The following YAP1 variants were observed in gnomAD, a reference collection of about 807,000 sequenced individuals.
The protein encoded by YAP1 is transcriptional coactivator YAP1.
YAP1 carries 5 observed loss-of-function variants against 56.9 expected under a neutral mutation model. That is an observed-to-expected ratio of 0.09 (90% CI 0.05 to 0.18). YAP1 has a LOEUF of 0.18. Ranked by LOEUF, YAP1 falls within the 10% of genes least tolerant of loss-of-function variation. The probability of loss-of-function intolerance (pLI) is 1.00; values close to 1 mark genes in which losing one functional copy is unlikely to be tolerated. For missense variants in YAP1, 539 were observed against 651.8 expected (o/e 0.83, Z 1.88); for synonymous variants, 265 against 248.1 (o/e 1.07, Z -0.64).
intron 2 of YAP1, among the ~76,000 whole-genome samples, chr11:102,120,756 A>C (rs1439861814): frequency 6.6e-6 from 1 of 152,228 alleles, no homozygotes; most frequent in East Asian, 1.9e-4. Context: ...ACTTGCATGA[A>C]AATTGCTGCA....
chr11:102,173,362 T>G (rs990454601), intron 3 of YAP1, among the ~76,000 whole-genome samples: 1 of 152,142 alleles, frequency 6.6e-6, no homozygotes, highest in Non-Finnish European at 1.5e-5. Flanking sequence ...AAAATCTTCT[T>G]TAGGGGTCTT....
At chr11:102,144,368 AT>A (rs1321913573) in intron 2 of YAP1, among the ~76,000 whole-genome samples, 2 of 152,200 alleles carry the variant, frequency 1.3e-5, no homozygotes. Flanking sequence ...GGAGAAAAAA[AT>A]TTATGTAAAG....
intron 3 of YAP1, among the ~76,000 whole-genome samples, chr11:102,172,345 T>C (rs1424906138): frequency 2.4e-5 from 3 of 126,798 alleles, no homozygotes; most frequent in Non-Finnish European, 4.8e-5. Context: ...AGGGTGTTGC[T>C]CCACCACCCA....
chr11:102,144,878 ATACACACACT>A (rs386756901), intron 2 of YAP1, among the ~76,000 whole-genome samples: 22 of 34,380 alleles, frequency 6.4e-4, no homozygotes, highest in African/African-American at 8.3e-4. Flanking sequence ...ACACACACAC[ATACACACACT>A]CATGCTCACA....
At chr11:102,129,789 G>A (rs1944263962) in intron 2 of YAP1, among the ~76,000 whole-genome samples, 1 of 145,464 alleles carries the variant, frequency 6.9e-6, no homozygotes, top group Non-Finnish European at 1.5e-5. Context: ...TGAAAAGGAA[G>A]CAAAACTTTT....
At chr11:102,208,663 G>T (rs1949242626) in intron 5 of YAP1, among the ~76,000 whole-genome samples, 1 of 152,052 alleles carries the variant, frequency 6.6e-6, no homozygotes, top group Non-Finnish European at 1.5e-5. Flanking sequence ...TATGTTTTAT[G>T]TAACCTATTT....
At chr11:102,212,985 CT>C (rs1474148983) in intron 6 of YAP1, among the ~76,000 whole-genome samples, 3 of 152,194 alleles carry the variant, frequency 2.0e-5, no homozygotes, top group Non-Finnish European at 4.4e-5. Context: ...AACATCTTTG[CT>C]TTGTGAGATT....
chr11:102,210,795 G>C (rs1011992206), intron 6 of YAP1, among the ~76,000 whole-genome samples: 2 of 152,088 alleles, frequency 1.3e-5, no homozygotes, highest in South Asian at 2.1e-4. Flanking sequence ...CTCTGTTGCC[G>C]AGGCTGGAGT....
chr11:102,138,344 C>G (rs1165869394), intron 2 of YAP1, among the ~76,000 whole-genome samples: 1 of 152,218 alleles, frequency 6.6e-6, no homozygotes, highest in African/African-American at 2.4e-5. Flanking sequence ...GCATCTGTAT[C>G]TGGGAGCTAT....
At chr11:102,134,035 T>TA (rs1289251760) in intron 2 of YAP1, among the ~76,000 whole-genome samples, 1 of 152,234 alleles carries the variant, frequency 6.6e-6, no homozygotes, top group African/African-American at 2.4e-5. Context: ...TGACCTGATC[T>TA]AATCGTAATT....
intron 4 of YAP1, among the ~76,000 whole-genome samples, chr11:102,203,099 A>G (rs894021234): frequency 2.0e-5 from 3 of 152,232 alleles, no homozygotes; most frequent in African/African-American, 7.2e-5. Flanking sequence ...GAGCGCTGGC[A>G]TGAATCAAAA....
rs1296681807 is a variant in YAP1 at position 102,208,923 on chromosome 11, T to C, written c.985-594T>C. Reference sequence around the variant, plus strand: ...GCAAATGCTGCTATTTGTAAAACTCTTCCTTCCAAAGATTTTCCTAAATCT... The same window carrying C: ...GCAAATGCTGCTATTTGTAAAACTCCTCCTTCCAAAGATTTTCCTAAATCT... On this transcript the variant is annotated intron_variant, in intron 5 of 8. Transcript: ENST00000282441. Among the ~76,000 whole-genome samples the C allele has an allele frequency of 2.6e-5, 4 of 152,196 alleles. No individual in the cohort carries two copies. In the East Asian group the frequency reaches 5.8e-4, roughly 22 times the overall value.
chr11:102,133,341 G>C (rs1944481455), intron 2 of YAP1, among the ~76,000 whole-genome samples: 1 of 152,096 alleles, frequency 6.6e-6, no homozygotes, highest in East Asian at 1.9e-4. Context: ...TGCTACCCCA[G>C]GGATGGAGTA....
intron 3 of YAP1, among the ~76,000 whole-genome samples, chr11:102,177,698 T>G (rs2135468093): frequency 6.6e-6 from 1 of 150,548 alleles, no homozygotes; most frequent in African/African-American, 2.4e-5. Context: ...AAAAAAAAGT[T>G]TATGTGAAAG....
rs552814340 is a variant in YAP1 at position 102,119,190 on chromosome 11, T to C, written c.572+4796T>C. On this transcript the variant is annotated intron_variant, in intron 2 of 8. Transcript: ENST00000282441. ...AGTGGGTGGGCATCCCAGGGAAGAA[T>C]GGCACACAGTGCCACAGTGATTTAG... Among the ~76,000 whole-genome samples, 130 of 152,030 alleles carry C rather than the reference T, an allele frequency of 8.6e-4. 1 individual carries two copies. The highest frequency in any genetic ancestry group is 3.0e-3 in the African/African-American group (125 of 41,468).
chr11:102,111,295 G>T, intron 1 of YAP1, 126 bp downstream of exon 1: 2 of 1,145,390 alleles, frequency 1.7e-6, no homozygotes, highest in Non-Finnish European at 2.4e-6. Context: ...CTGGGGTGGG[G>T]GTCCCGAGGC....
chr11:102,156,645 A>C (rs1201518435), intron 2 of YAP1, among the ~76,000 whole-genome samples: 1 of 152,204 alleles, frequency 6.6e-6, no homozygotes. Flanking sequence ...CTATATCATG[A>C]AATCAGGACA....
rs370496132 is a variant in YAP1, at chr11:102,222,114, G to A, written c.1033-1508G>A. 9.8e-5 allele frequency among the ~76,000 whole-genome samples: 15 copies of A among 152,300 alleles called. No homozygotes were observed. The South Asian group carries it at 1.7e-3, about 17-fold the overall frequency. On this transcript the variant is annotated intron_variant, in intron 6 of 8. Transcript: ENST00000282441. ...AGAATTGTAGTTTAGAAGTGGCAGCGTAGAGCTAGGAGAAGCTTTCCATAC... is the reference window on the plus strand; with the variant it reads ...AGAATTGTAGTTTAGAAGTGGCAGCATAGAGCTAGGAGAAGCTTTCCATAC...
chr11:102,117,067 C>G (rs1484237742), intron 2 of YAP1, among the ~76,000 whole-genome samples: 2 of 151,998 alleles, frequency 1.3e-5, no homozygotes, highest in Non-Finnish European at 2.9e-5. Flanking sequence ...TGTTATGGAC[C>G]GTATAGTTGT....
Sources: gnomAD v4.1 joint callset for allele counts (sites outside exome capture counted in the v4.1 genomes callset) on GRCh38, gnomAD v4.1.1 for gene constraint, MANE v1.5 for transcripts, NCBI Gene and HGNC (gene_info 2026-07-23, HGNC 2026-07-21) for gene names.